The following MAP3K6 variants were observed in gnomAD, a reference collection of about 807,000 sequenced individuals.
The protein encoded by MAP3K6 is mitogen-activated protein kinase kinase kinase 6, also known as apoptosis signal-regulating kinase 2.
Under a neutral mutation model 147.1 loss-of-function variants are expected in MAP3K6, and 105 were observed. That is an observed-to-expected ratio of 0.71 (90% CI 0.61 to 0.84). MAP3K6 has a LOEUF of 0.84. Among genes scored for constraint, MAP3K6 ranks in the 40% least tolerant of loss-of-function variants. The pLI is 0.00. For missense variants in MAP3K6, 1,569 were observed against 1,715.0 expected (o/e 0.91, Z 1.50); for synonymous variants, 695 against 732.4 (o/e 0.95, Z 0.82).
chr1:27,363,343 G>T, intron 6 of MAP3K6, 99 bp downstream of exon 6: 1 of 990,726 alleles, frequency 1.0e-6, no homozygotes, highest in Non-Finnish European at 1.5e-6. Flanking sequence ...CAAATTCCCC[G>T]AACAGCAGTG....
chr1:27,364,085 A>G lies in MAP3K6; in HGVS notation c.696T>C (p.Cys232=). The G allele has an allele frequency of 6.2e-7, 1 of 1,611,588 alleles. No individual in the cohort carries two copies. The highest frequency in any genetic ancestry group is 8.5e-7 in the Non-Finnish European group (1 of 1,179,126). ...RLLEATPTDS[C]GYFRETIRRD... ...GCCGAATGGTCTCCCGGAAATAGCC[A>G]CTGATGCCCAGGGTAGGGGAGGCAG... is the stretch of plus-strand genomic sequence containing the variant. The change falls in exon 5 of 29, where the codon TGT becomes TGC. Residue 232 remains cysteine, a splice_region_variant and synonymous_variant. Transcript: ENST00000357582. The surrounding 1 kb of genome is among the most constrained non-coding windows in gnomAD (Gnocchi z 4.4).
chr1:27,358,967 G>T lies in MAP3K6; in HGVS notation c.2426-101C>A, dbSNP rs1049235242. The T allele has an allele frequency of 1.8e-5, 22 of 1,210,804 alleles. No individual in the cohort carries two copies. Among genetic ancestry groups the T allele is most frequent in the Non-Finnish European group, 2.3e-5 (20 of 865,832 alleles). 75.0% of individuals were successfully genotyped at this position (1,210,804 alleles called of 1,614,324 possible). A position where few individuals can be genotyped will look rare whatever the true frequency, so the allele number is the denominator to read the frequency against. On this transcript the variant is annotated intron_variant, in intron 18 of 28. Coordinates refer to ENST00000357582, the MANE Select transcript of MAP3K6 (RefSeq NM_004672.5). This position sits in a 1 kb window ranked among gnomAD's most constrained non-coding sequence, Gnocchi z 6.2. ...TCCTCAGGCCGACTGCACCCATACT[G>T]AACCTATCATCCAAAATATACCTCA...
Position 27,366,241 on chromosome 1 carries a change from G to C in MAP3K6, c.340+17C>G. The C allele has an allele frequency of 7.7e-7, 1 of 1,303,432 alleles. No individual in the cohort carries two copies. The highest frequency in any genetic ancestry group is 9.7e-7 in the Non-Finnish European group (1 of 1,027,344). 80.7% of individuals were successfully genotyped at this position (1,303,432 alleles called of 1,614,324 possible). ...CTGAGTCCCGCCCGGATCCGGCCCC[G>C]CCCCCAGCGCTCTCACCCGCGTTGT... On this transcript the variant is annotated intron_variant, in intron 1 of 28. Transcript: ENST00000357582. This position sits in a 1 kb window ranked among gnomAD's most constrained non-coding sequence, Gnocchi z 5.5.
chr1:27,360,838 AC>A lies in MAP3K6; in HGVS notation c.1921-1del. The A allele has an allele frequency of 6.2e-7, 1 of 1,612,588 alleles. No individual in the cohort carries two copies. Among genetic ancestry groups the A allele is most frequent in the South Asian group, 1.1e-5 (1 of 91,066 alleles). On this transcript the variant is annotated splice_acceptor_variant, in intron 14 of 28. Transcript: ENST00000357582. LOFTEE classifies it high-confidence loss of function. This position sits in a 1 kb window ranked among gnomAD's most constrained non-coding sequence, Gnocchi z 4.5. ...CCCGTCTCCGTGTACTCATAATCAA[AC>A]TGCCGGGCGCGGGGTGAGATGGGAG... is the stretch of plus-strand genomic sequence containing the variant.
chr1:27,362,850 C>T lies in MAP3K6; in HGVS notation c.1142+1G>A. ...CACCGGCCACTCACTGTGCTCTTTA[C>T]CAGTGATAGGCCTGCTCCCGGTGCC... On this transcript the variant is annotated splice_donor_variant, in intron 7 of 28. Coordinates refer to ENST00000357582, the MANE Select transcript of MAP3K6 (RefSeq NM_004672.5). LOFTEE classifies it high-confidence loss of function. 1.2e-6 allele frequency: 2 copies of T among 1,613,768 alleles called. No individual in the cohort carries two copies. Among genetic ancestry groups the T allele is most frequent in the South Asian group, 1.1e-5 (1 of 91,038 alleles).
In MAP3K6 at chr1:27,366,577, C is replaced by G. The variant is rs1167160563; in HGVS notation, c.21G>C (p.Arg7=). 1 of 1,081,866 alleles carries G rather than the reference C, an allele frequency of 9.2e-7. No individual in the cohort carries two copies. Among genetic ancestry groups the G allele is most frequent in the Non-Finnish European group, 1.1e-6 (1 of 893,246 alleles). The allele number at this position is 1,081,866 out of a possible 1,614,324, so 67.0% of individuals were successfully genotyped here. Residue 7 remains arginine, a synonymous_variant, in exon 1 of 29, where the codon CGG becomes CGC. Transcript: ENST00000357582. This position sits in a 1 kb window ranked among gnomAD's most constrained non-coding sequence, Gnocchi z 5.5. ...AGCTGCCGGCGCGCTCCGCCCCGGA[C>G]CGGGGACACGGCCCCGCCATGCGGG... MAGPCP[R]SGAERAGSCW...
intron 8 of MAP3K6, 150 bp downstream of exon 8, chr1:27,362,491 G>T (rs911958248): frequency 2.7e-6 from 2 of 730,974 alleles, no homozygotes; most frequent in East Asian, 2.7e-5. Context: ...CCCAGAACAG[G>T]TATGAGGACC....
At chr1:27,357,688 G>T in intron 22 of MAP3K6, 23 bp downstream of exon 22, 2 of 1,606,558 alleles carry the variant, frequency 1.2e-6, no homozygotes, top group South Asian at 2.2e-5. Flanking sequence ...GACCACCAGG[G>T]GGCGCTAGAG....
Position 27,359,791 on chromosome 1 carries a change from C to T in MAP3K6, c.2319+67G>A. On this transcript the variant is annotated intron_variant, in intron 17 of 28. Transcript: ENST00000357582. This position sits in a 1 kb window ranked among gnomAD's most constrained non-coding sequence, Gnocchi z 4.4. The stretch of plus-strand genomic sequence containing the variant: ...TCACTTAATCTAAACTGCCAGCCTG[C>T]GTCTGGGACCATGTTTCCTTCCCCG... 5 of 1,600,348 alleles carry T rather than the reference C, an allele frequency of 3.1e-6. No individual in the cohort carries two copies. Among genetic ancestry groups the T allele is most frequent in the Admixed American group, 1.7e-5 (1 of 59,526 alleles).
chr1:27,356,241 A>G lies in MAP3K6; in HGVS notation c.3638-142T>C, dbSNP rs981716363. On this transcript the variant is annotated intron_variant, in intron 26 of 28. Coordinates refer to ENST00000357582, the MANE Select transcript of MAP3K6 (RefSeq NM_004672.5). ...GATGAGCCCAAGGGTGCCTTGTGCT[A>G]GAAGCTGCCTCGAACCCACCAATAA... The G allele has an allele frequency of 3.7e-6, 4 of 1,078,078 alleles. No homozygotes were observed. In the South Asian group the frequency reaches 4.3e-5, roughly 11 times the overall value. 66.8% of individuals were successfully genotyped at this position (1,078,078 alleles called of 1,614,324 possible). A position where few individuals can be genotyped will look rare whatever the true frequency, so the allele number is the denominator to read the frequency against.
At chr1:27,365,460 G>C (rs1271269560) in intron 1 of MAP3K6, among the ~76,000 whole-genome samples, 4 of 152,164 alleles carry the variant, frequency 2.6e-5, no homozygotes, top group Admixed American at 6.5e-5. Context: ...GTGTCCGAGT[G>C]GTCGGGTCAG....
Position 27,362,890 on chromosome 1 carries a change from C to T in MAP3K6, c.1103G>A (p.Gly368Asp), listed in dbSNP as rs560853902. ...CTCCCGGTGCCCAGCATCCTGGAAACCCGAGCTGAAGAACATGTCCTTGTA... is the reference window on the plus strand; with the variant it reads ...CTCCCGGTGCCCAGCATCCTGGAAATCCGAGCTGAAGAACATGTCCTTGTA... ...RIYKDMFFSSGFQDAGHREQA... is the reference protein window; with the variant it reads ...RIYKDMFFSSDFQDAGHREQA... Residue 368 changes from glycine (G) to aspartate (D), a missense_variant, in exon 7 of 29, where the codon GGT (glycine) becomes GAT (aspartate). Gly to Asp is a moderately conservative substitution (Grantham distance 94). Coordinates refer to ENST00000357582, the MANE Select transcript of MAP3K6 (RefSeq NM_004672.5). 6.2e-7 allele frequency: 1 copy of T among 1,614,166 alleles called. No homozygotes were observed. The highest frequency in any genetic ancestry group is 2.2e-5 in the East Asian group (1 of 44,880).
In MAP3K6 at chr1:27,355,584, T is replaced by G. The variant is rs2015490217; in HGVS notation, c.3788+85A>C. 1.9e-6 allele frequency: 3 copies of G among 1,588,316 alleles called. No homozygotes were observed. The Admixed American group carries it at 5.0e-5, about 27-fold the overall frequency. On this transcript the variant is annotated intron_variant, in intron 28 of 28. Coordinates refer to ENST00000357582, the MANE Select transcript of MAP3K6 (RefSeq NM_004672.5). ...CTAGGGGACCCAGGTGCCCCTTTGGTTTCCAGGAAGGAACCTAGGCAGGCC... is the reference window on the plus strand; with the variant it reads ...CTAGGGGACCCAGGTGCCCCTTTGGGTTCCAGGAAGGAACCTAGGCAGGCC...
At position 27,366,258 on chromosome 1, in the gene MAP3K6, C is replaced by T. The variant is rs773955306; in HGVS notation, c.340G>A (p.Asp114Asn). ...CCGGCCCCGCCCCCAGCGCTCTCAC[C>T]CGCGTTGTAGAAGGCATCCAGAGCC... is the stretch of plus-strand genomic sequence containing the variant. ...TAALDAFYNA[D>N]VVVLEVSSSL... Residue 114 changes from aspartate to asparagine, a missense_variant and splice_region_variant, in exon 1 of 29, where the codon GAT becomes AAT. Transcript: ENST00000357582. The surrounding 1 kb of genome is among the most constrained non-coding windows in gnomAD (Gnocchi z 5.5). 3.0e-6 allele frequency: 4 copies of T among 1,327,382 alleles called. No individual in the cohort carries two copies. The highest frequency in any genetic ancestry group is 1.5e-5 in the African/African-American group (1 of 65,408). The allele number at this position is 1,327,382 out of a possible 1,614,324, so 82.2% of individuals were successfully genotyped here.
chr1:27,363,710 C>T (rs2015870015), intron 5 of MAP3K6, among the ~76,000 whole-genome samples, 162 bp from the exon 6 acceptor site: 1 of 152,230 alleles, frequency 6.6e-6, no homozygotes, highest in Non-Finnish European at 1.5e-5. Context: ...CTACTGTATG[C>T]CCCATGCTGG....
chr1:27,355,275 C>A lies in MAP3K6; in HGVS notation c.*116G>T. 1.0e-6 allele frequency: 1 copy of A among 965,772 alleles called. No individual in the cohort carries two copies. The allele number at this position is 965,772 out of a possible 1,614,324, so 59.8% of individuals were successfully genotyped here. ...ACTGGAACCAGTCCTGGGCCCCACT[C>A]GCCTGGCTTCCTCCAGTCGCCCCAG... On this transcript the variant is annotated 3_prime_UTR_variant, in exon 29 of 29. Coordinates refer to ENST00000357582, the MANE Select transcript of MAP3K6 (RefSeq NM_004672.5).
In MAP3K6 at chr1:27,360,227, C is replaced by CA. The variant is rs767521015; in HGVS notation, c.2182+13dup. 1.2e-6 allele frequency: 2 copies of CA among 1,613,576 alleles called. No individual in the cohort carries two copies. The highest frequency in any genetic ancestry group is 1.3e-5 in the African/African-American group (1 of 75,044). Reference sequence around the variant, plus strand: ...ACACCTCGGTTTCATTCCCATCCCACACAGGGCAGGTACCTCCAGGCACTT... The same window carrying CA: ...ACACCTCGGTTTCATTCCCATCCCACAACAGGGCAGGTACCTCCAGGCACTT... On this transcript the variant is annotated intron_variant, in intron 16 of 28. Coordinates refer to ENST00000357582, the MANE Select transcript of MAP3K6 (RefSeq NM_004672.5). This position sits in a 1 kb window ranked among gnomAD's most constrained non-coding sequence, Gnocchi z 4.5.
In MAP3K6 at chr1:27,361,866, A is replaced by G; in HGVS notation, c.1417T>C (p.Tyr473His). The part of the protein sequence containing the change: ...QLYKLNAPIW[Y>H]LVSVMETFLL... ...AAGGTCTCCATCACGGACACCAGGT[A>G]CCTGCATGCAAAGCCACATCCTCAG... is the stretch of plus-strand genomic sequence containing the variant. Residue 473 changes from tyrosine to histidine, a missense_variant and splice_region_variant, in exon 10 of 29, where the codon TAC becomes CAC. Physicochemically the swap from Tyr to His is moderately conservative, Grantham distance 83. Transcript: ENST00000357582. The G allele has an allele frequency of 6.5e-7, 1 of 1,541,174 alleles. No individual in the cohort carries two copies. The highest frequency in any genetic ancestry group is 1.2e-5 in the South Asian group (1 of 80,810).
chr1:27,363,161 T>A (rs1303735354), intron 6 of MAP3K6, 140 bp from the exon 7 acceptor site: 1 of 759,284 alleles, frequency 1.3e-6, no homozygotes, highest in Admixed American at 2.9e-5. Flanking sequence ...TGGCCAGCAC[T>A]GACCTCTCTA....
Sources: allele counts gnomAD v4.1 joint callset (sites outside exome capture counted in the v4.1 genomes callset), GRCh38; gene constraint gnomAD v4.1.1; non-coding constraint Gnocchi (gnomAD v3.1); transcripts MANE v1.5; gene names NCBI Gene and HGNC (gene_info 2026-07-23, HGNC 2026-07-21).